The following CALD1 variants were observed in gnomAD, a reference collection of about 807,000 sequenced individuals.
CALD1 encodes caldesmon 1, also known as caldesmon.
A neutral mutation model predicts 99.9 loss-of-function variants in CALD1; 33 were observed. The observed-to-expected ratio is 0.33, with a 90% CI of 0.25 to 0.44. CALD1 has a LOEUF of 0.44. CALD1 is among the 20% of genes least tolerant of loss of function. CALD1 has a pLI of 1.00. For missense variants in CALD1, 861 were observed against 962.1 expected, an observed-to-expected ratio of 0.89 and a Z score of 1.39; for synonymous variants, 310 against 325.0, an observed-to-expected ratio of 0.95 and a Z score of 0.50.
intron 1 of CALD1, among the ~76,000 whole-genome samples, chr7:134,774,385 T>C (rs1351308063): frequency 2.0e-5 from 3 of 152,136 alleles, no homozygotes; most frequent in Admixed American, 6.5e-5. Context: ...GGTGAGGCGA[T>C]TGGAGATGTT....
In CALD1 at chr7:134,835,519, A is replaced by G. The variant is rs547676393; in HGVS notation, c.-129-8365A>G. 2.6e-5 allele frequency among the ~76,000 whole-genome samples: 4 copies of G among 152,374 alleles called. No individual in the cohort carries two copies. The South Asian group carries it at 6.2e-4, about 24-fold the overall frequency. ...AATCAGTAGTCAAAACTAACATTAG[A>G]AAAAGTTTTAAGCATACTTTAAACA... is the stretch of plus-strand genomic sequence containing the variant. On this transcript the variant is annotated intron_variant, in intron 1 of 14. Transcript: ENST00000361675.
At chr7:134,917,080 T>G (rs1804262242) in intron 3 of CALD1, among the ~76,000 whole-genome samples, 1 of 152,208 alleles carries the variant, frequency 6.6e-6, no homozygotes, top group Non-Finnish European at 1.5e-5. Flanking sequence ...CAGTTGCATA[T>G]CCAGATCTAG....
upstream of CALD1, among the ~76,000 whole-genome samples, chr7:134,775,275 T>C (rs958246090): frequency 6.6e-6 from 1 of 152,244 alleles, no homozygotes; most frequent in Non-Finnish European, 1.5e-5. Context: ...TCTATTTGTT[T>C]AGTCTTGTGT....
chr7:134,791,539 A>T (rs1797533661), intron 1 of CALD1, among the ~76,000 whole-genome samples: 1 of 152,202 alleles, frequency 6.6e-6, no homozygotes, highest in Non-Finnish European at 1.5e-5. Flanking sequence ...TTATGAAGGG[A>T]GAAACAGAGG....
chr7:134,908,760 C>T (rs4472440), intron 3 of CALD1, among the ~76,000 whole-genome samples: 3 of 151,878 alleles, frequency 2.0e-5, no homozygotes, highest in Admixed American at 6.6e-5. Context: ...CATCTGGCCC[C>T]GTAAAGGGCC....
At chr7:134,715,488 A>G in the CALD1 span, among the ~76,000 whole-genome samples, 1 of 152,214 alleles carries the variant, frequency 6.6e-6, no homozygotes, top group East Asian at 1.9e-4. Flanking sequence ...GCTTGGGTGT[A>G]TATGGTCAGC....
Position 134,947,560 on chromosome 7 carries a change from C to A in CALD1, c.1585C>A (p.Gln529Lys). The A allele has an allele frequency of 6.4e-7, 1 of 1,562,858 alleles. No homozygotes were observed. Among genetic ancestry groups the A allele is most frequent in the Non-Finnish European group, 8.7e-7 (1 of 1,153,220 alleles). Residue 529 changes from glutamine (Q) to lysine (K), a missense_variant, in exon 8 of 15, where the codon CAG becomes AAG. Transcript: ENST00000361675. ...CACCAAGGAGGCTGAGGGCGCCCCC[C>A]AGGTGGAAGCCGGCAAAAGGCTGGA... ...VDTKEAEGAP[Q>K]VEAGKRLEEL...
intron 1 of CALD1, among the ~76,000 whole-genome samples, chr7:134,822,832 C>T (rs974329510): frequency 6.6e-6 from 1 of 152,064 alleles, no homozygotes; most frequent in African/African-American, 2.4e-5. Context: ...TTCTATTTGG[C>T]GATATAGTTA....
intron 1 of CALD1, among the ~76,000 whole-genome samples, chr7:134,766,141 CTTTTTTTTTTTTTTTTTTTT>C (rs71172475): frequency 1.4e-5 from 1 of 70,804 alleles, no homozygotes; most frequent in South Asian, 5.9e-4. Flanking sequence ...CTTTTCTTTT[CTTTTTTTTTTTTTTTTTTTT>C]TTTTTTTTGA....
At chr7:134,724,556 A>G in the CALD1 span, among the ~76,000 whole-genome samples, 765 of 152,354 alleles carry the variant, frequency 5.0e-3, 4 homozygotes, top group African/African-American at 0.018. Flanking sequence ...TGCATATGCA[A>G]TATGATTTCA....
intron 1 of CALD1, among the ~76,000 whole-genome samples, chr7:134,835,495 A>G (rs1035964674): frequency 6.6e-6 from 1 of 152,244 alleles, no homozygotes; most frequent in Non-Finnish European, 1.5e-5. Flanking sequence ...TTAAATTTCA[A>G]TCAGTAGTCA....
chr7:134,727,786 G>C, the CALD1 span, among the ~76,000 whole-genome samples: 5 of 152,308 alleles, frequency 3.3e-5, no homozygotes, highest in East Asian at 5.8e-4. Flanking sequence ...CAAGTGAAAA[G>C]CTTAGTTCTC....
intron 3 of CALD1, among the ~76,000 whole-genome samples, chr7:134,870,214 A>G (rs942446065): frequency 6.6e-6 from 1 of 152,248 alleles, no homozygotes; most frequent in Non-Finnish European, 1.5e-5. Context: ...GGAAGCAGAC[A>G]GGCCAGGGTG....
chr7:134,932,691 G>C (rs1401459971), intron 4 of CALD1, among the ~76,000 whole-genome samples: 1 of 152,200 alleles, frequency 6.6e-6, no homozygotes, highest in Non-Finnish European at 1.5e-5. Flanking sequence ...AAAGTGAGGG[G>C]TGCTGAGGTA....
chr7:134,858,406 C>T (rs1436720932), intron 2 of CALD1, among the ~76,000 whole-genome samples: 1 of 152,098 alleles, frequency 6.6e-6, no homozygotes, highest in Non-Finnish European at 1.5e-5. Context: ...TATGAGAGCA[C>T]AGCCATGCTT....
chr7:134,761,185 A>T (rs1000365535), intron 1 of CALD1, among the ~76,000 whole-genome samples: 18 of 152,180 alleles, frequency 1.2e-4, no homozygotes, highest in Non-Finnish European at 2.2e-4. Flanking sequence ...TTTCATCTAA[A>T]ATTGGCTCTG....
intron 1 of CALD1, among the ~76,000 whole-genome samples, chr7:134,825,316 C>A (rs1396905134): frequency 1.3e-4 from 20 of 152,032 alleles, no homozygotes; most frequent in Non-Finnish European, 5.9e-5. Context: ...TGTCTCATTC[C>A]AGGGCAGAGT....
In CALD1 at chr7:134,934,052, T is replaced by C; in HGVS notation, c.1283T>C (p.Leu428Pro). The change falls in exon 5 of 15, where the codon CTT becomes CCT. Residue 428 changes from leucine to proline, a missense_variant. Coordinates refer to ENST00000361675, the MANE Select transcript of CALD1 (RefSeq NM_033138.4). ...VNEKKAQEDK[L>P]QTAVLKKQGE... ...GAAAAGAAAGCACAAGAAGATAAAC[T>C]TCAGACAGCTGTCCTAAAGAAACAG... 2 of 1,611,458 alleles carry C rather than the reference T, an allele frequency of 1.2e-6. No homozygotes were observed. The highest frequency in any genetic ancestry group is 1.7e-6 in the Non-Finnish European group (2 of 1,179,224).
intron 9 of CALD1, among the ~76,000 whole-genome samples, chr7:134,953,750 A>G (rs1584663677): frequency 7.1e-6 from 1 of 140,634 alleles, no homozygotes; most frequent in Non-Finnish European, 1.5e-5. Context: ...CAACGTACCT[A>G]TTTCTCTGGT....
Sources: gnomAD v4.1 joint callset for allele counts (sites outside exome capture counted in the v4.1 genomes callset) on GRCh38, gnomAD v4.1.1 for gene constraint, MANE v1.5 for transcripts, NCBI Gene and HGNC (gene_info 2026-07-23, HGNC 2026-07-21) for gene names.